The following SPAG16 variants were observed in gnomAD, a reference collection of about 807,000 sequenced individuals.
SPAG16 encodes sperm-associated antigen 16 protein.
Under a neutral mutation model 80.4 loss-of-function variants are expected in SPAG16, and 86 were observed. The ratio of observed to expected loss-of-function variants is 1.07; its 90% confidence interval spans 0.90 to 1.28. The LOEUF is 1.28. Among genes scored for constraint, SPAG16 ranks in the 50% most tolerant of loss-of-function variants. The pLI, the probability that SPAG16 is intolerant of heterozygous loss-of-function variation, is 0.00. For synonymous variants in SPAG16, 294 were observed against 265.9 expected (o/e 1.11, Z -1.03); for missense variants, 870 against 765.3 (o/e 1.14, Z -1.61).
intron 10 of SPAG16, among the ~76,000 whole-genome samples, chr2:213,713,949 C>A (rs2066119950): frequency 1.3e-5 from 2 of 152,138 alleles, no homozygotes; most frequent in African/African-American, 4.8e-5. Context: ...AGTAACCATT[C>A]ACAAAGAACA....
At chr2:213,994,331 G>GA (rs932244956) in intron 12 of SPAG16, among the ~76,000 whole-genome samples, 7 of 151,814 alleles carry the variant, frequency 4.6e-5, no homozygotes, top group African/African-American at 1.4e-4. Context: ...GAATTACCAA[G>GA]AAAAAAGGGA....
chr2:213,953,457 C>G (rs2043958556), intron 12 of SPAG16, among the ~76,000 whole-genome samples: 1 of 151,396 alleles, frequency 6.6e-6, no homozygotes, highest in South Asian at 2.1e-4. Flanking sequence ...GCTAAAGAAA[C>G]ATTTAGGTCT....
intron 12 of SPAG16, among the ~76,000 whole-genome samples, chr2:213,982,385 T>C (rs938684879): frequency 2.0e-5 from 3 of 152,042 alleles, no homozygotes; most frequent in African/African-American, 7.2e-5. Flanking sequence ...TATTATATTC[T>C]CAATTTTACC....
At chr2:213,375,237 G>T in intron 9 of SPAG16, 118 bp downstream of exon 9, 1 of 738,318 alleles carries the variant, frequency 1.4e-6, no homozygotes, top group Non-Finnish European at 2.2e-6. Flanking sequence ...ATATATTCCG[G>T]GCTGCTTGGT....
Position 213,506,570 on chromosome 2 carries a change from G to A in SPAG16, c.1070+16480G>A, listed in dbSNP as rs141389083. 5.6e-3 allele frequency among the ~76,000 whole-genome samples: 844 copies of A among 151,918 alleles called. 9 individuals are homozygous for A. The highest frequency in any genetic ancestry group is 0.019 in the African/African-American group (789 of 41,414). The stretch of plus-strand genomic sequence containing the variant: ...TAGAAATCCTTCCTCATCTTATCTC[G>A]AACCCTCATCTCAGCTCCTCGTGGA... On this transcript the variant is annotated intron_variant, in intron 10 of 15. Transcript: ENST00000331683.
chr2:214,234,199 C>A (rs1042167678), intron 15 of SPAG16, among the ~76,000 whole-genome samples: 1 of 152,138 alleles, frequency 6.6e-6, no homozygotes, highest in Non-Finnish European at 1.5e-5. Context: ...ACATCCATGT[C>A]CCTGCAAAGG....
intron 11 of SPAG16, among the ~76,000 whole-genome samples, chr2:213,893,315 A>G (rs976572699): frequency 5.3e-5 from 8 of 152,152 alleles, no homozygotes; most frequent in Non-Finnish European, 7.4e-5. Flanking sequence ...AATACCAAAG[A>G]GAGTTCTTCC....
intron 15 of SPAG16, among the ~76,000 whole-genome samples, chr2:214,219,247 G>T (rs1576523513): frequency 6.6e-6 from 1 of 152,054 alleles, no homozygotes; most frequent in South Asian, 2.1e-4. Flanking sequence ...TTAATTCTCA[G>T]TTTTGTATGG....
chr2:213,682,341 C>A (rs2064434383), intron 10 of SPAG16, among the ~76,000 whole-genome samples: 1 of 152,172 alleles, frequency 6.6e-6, no homozygotes, highest in South Asian at 2.1e-4. Flanking sequence ...AAGTCAGGTT[C>A]TTTTTACCCT....
chr2:214,217,470 C>T lies in SPAG16; in HGVS notation c.1720+68204C>T, dbSNP rs543923793. 7.2e-5 allele frequency among the ~76,000 whole-genome samples: 11 copies of T among 152,316 alleles called. No individual in the cohort carries two copies. The South Asian group carries it at 2.3e-3, about 32-fold the overall frequency. On this transcript the variant is annotated intron_variant, in intron 15 of 15. Coordinates refer to ENST00000331683, the MANE Select transcript of SPAG16 (RefSeq NM_024532.5). The stretch of plus-strand genomic sequence containing the variant: ...TTATGCCGATGCTTTAAATATCATT[C>T]TGCTCCAAAAGTAAGATCCCTATCA...
At chr2:214,007,711 T>C (rs914938300) in intron 12 of SPAG16, among the ~76,000 whole-genome samples, 2 of 152,216 alleles carry the variant, frequency 1.3e-5, no homozygotes, top group Non-Finnish European at 2.9e-5. Context: ...ATTTGTATAA[T>C]TGCTCTGCAC....
intron 12 of SPAG16, among the ~76,000 whole-genome samples, chr2:213,938,470 T>C (rs1259311148): frequency 2.0e-5 from 3 of 152,026 alleles, no homozygotes; most frequent in African/African-American, 7.2e-5. Flanking sequence ...TCAAAATTAA[T>C]TTTAGAGTGG....
chr2:213,297,599 C>T (rs961834472), intron 3 of SPAG16, among the ~76,000 whole-genome samples: 4 of 151,812 alleles, frequency 2.6e-5, no homozygotes, highest in Non-Finnish European at 4.4e-5. Flanking sequence ...GACACCTTCT[C>T]TCTGAACTCT....
chr2:213,870,372 A>G (rs2105982734), intron 11 of SPAG16, among the ~76,000 whole-genome samples: 1 of 152,310 alleles, frequency 6.6e-6, no homozygotes, highest in South Asian at 2.1e-4. Context: ...TGCTAGTGTT[A>G]ACTATCCTCT....
chr2:213,774,771 G>GT (rs1363326307), intron 10 of SPAG16, among the ~76,000 whole-genome samples: 4 of 152,196 alleles, frequency 2.6e-5, no homozygotes, highest in Admixed American at 6.6e-5. Flanking sequence ...TTCGAGGCCA[G>GT]TAGTGTGGCA....
chr2:213,805,523 T>G (rs1030683490), intron 10 of SPAG16, among the ~76,000 whole-genome samples: 2 of 152,112 alleles, frequency 1.3e-5, no homozygotes, highest in African/African-American at 4.8e-5. Flanking sequence ...ACCTTTTAGG[T>G]TTTTAGAAGA....
At chr2:214,122,006 G>A (rs2054244586) in intron 14 of SPAG16, among the ~76,000 whole-genome samples, 1 of 151,676 alleles carries the variant, frequency 6.6e-6, no homozygotes, top group South Asian at 2.1e-4. Context: ...TATTGTTAAT[G>A]GAGATAATGT....
intron 14 of SPAG16, among the ~76,000 whole-genome samples, chr2:214,128,189 A>G (rs2054590340): frequency 6.6e-6 from 1 of 151,806 alleles, no homozygotes. Flanking sequence ...GGCAGGGGGA[A>G]AACCTCTCAA....
intron 15 of SPAG16, among the ~76,000 whole-genome samples, chr2:214,164,939 CTT>C (rs1167185537): frequency 1.3e-5 from 2 of 152,030 alleles, no homozygotes; most frequent in African/African-American, 4.8e-5. Context: ...GTAAACTACT[CTT>C]ATATTCTTGT....
Sources: gnomAD v4.1 joint callset for allele counts (sites outside exome capture counted in the v4.1 genomes callset) on GRCh38, gnomAD v4.1.1 for gene constraint, MANE v1.5 for transcripts, NCBI Gene and HGNC (gene_info 2026-07-23, HGNC 2026-07-21) for gene names.